Variants in OR4K1 observed in about 807,000 individuals in gnomAD.
The protein encoded by OR4K1 is olfactory receptor 4K1.
A neutral mutation model predicts 14.4 loss-of-function variants in OR4K1; 16 were observed. That is an observed-to-expected ratio of 1.11 (90% CI 0.75 to 1.68). The LOEUF (loss-of-function observed/expected upper bound fraction) is 1.68, where lower values mean the gene tolerates loss of function less well. Among genes scored for constraint, OR4K1 ranks in the 40% most tolerant of loss-of-function variants. The probability of loss-of-function intolerance (pLI) is 0.00; values close to 1 mark genes in which losing one functional copy is unlikely to be tolerated. For missense variants in OR4K1, 548 were observed against 376.9 expected, an observed-to-expected ratio of 1.45 and a Z score of -3.76; for synonymous variants, 181 against 133.1, an observed-to-expected ratio of 1.36 and a Z score of -2.48.
chr14:19,924,039 A>G, the OR4K1 span, among the ~76,000 whole-genome samples: 1 of 152,254 alleles, frequency 6.6e-6, no homozygotes, highest in Non-Finnish European at 1.5e-5. Context: ...AGTTGAATAA[A>G]AAAAAGTCAG....
At chr14:19,924,819 T>G in the OR4K1 span, among the ~76,000 whole-genome samples, 2 of 152,282 alleles carry the variant, frequency 1.3e-5, no homozygotes, top group Non-Finnish European at 2.9e-5. Context: ...GGGACATTCC[T>G]AATGCTAAGA....
At chr14:19,930,533 T>C (rs1882162611), upstream of OR4K1, among the ~76,000 whole-genome samples, 1 of 152,228 alleles carries the variant, frequency 6.6e-6, no homozygotes, top group Non-Finnish European at 1.5e-5. Context: ...GACTGAACTG[T>C]CTTATGAAGC....
chr14:19,935,789 C>T lies in OR4K1; in HGVS notation c.123C>T (p.Gly41=). 1.2e-6 allele frequency: 2 copies of T among 1,614,140 alleles called. No individual in the cohort carries two copies. The highest frequency in any genetic ancestry group is 8.5e-7 in the Non-Finnish European group (1 of 1,179,976). ...FSIVYVTSVL[G]NVLIIVIISF... is the part of the protein sequence containing the mutation. ...TAGTCTATGTGACATCAGTGCTAGGCAATGTCTTAATTATTGTCATTATTT... is the reference window on the plus strand; with the variant it reads ...TAGTCTATGTGACATCAGTGCTAGGTAATGTCTTAATTATTGTCATTATTT... Residue 41 remains glycine (G), a synonymous_variant, in exon 2 of 2, where the codon GGC becomes GGT. Coordinates refer to ENST00000641172, the MANE Select transcript of OR4K1 (RefSeq NM_001004063.3).
chr14:19,922,942 G>A, the OR4K1 span, among the ~76,000 whole-genome samples: 17 of 152,110 alleles, frequency 1.1e-4, no homozygotes, highest in African/African-American at 4.1e-4. Flanking sequence ...ATCATTTTTG[G>A]TATCTTTTTT....
intron 1 of OR4K1, 129 bp from the exon 2 acceptor site, chr14:19,935,519 C>A: frequency 1.4e-6 from 1 of 734,298 alleles, no homozygotes; most frequent in Non-Finnish European, 2.2e-6. Flanking sequence ...TATTTACATA[C>A]GTAAATATAT....
intron 1 of OR4K1, among the ~76,000 whole-genome samples, chr14:19,934,038 C>T (rs1252635299): frequency 6.6e-6 from 1 of 152,238 alleles, no homozygotes; most frequent in Non-Finnish European, 1.5e-5. Flanking sequence ...TTTACCATTA[C>T]CTATACAATT....
chr14:19,924,519 G>A, the OR4K1 span, among the ~76,000 whole-genome samples: 1 of 151,856 alleles, frequency 6.6e-6, no homozygotes, highest in African/African-American at 2.4e-5. Flanking sequence ...GTGTGAGATG[G>A]TATTTCATTG....
At chr14:19,934,838 T>A (rs59297893) in intron 1 of OR4K1, among the ~76,000 whole-genome samples, 1,272 of 151,914 alleles carry the variant, frequency 8.4e-3, no homozygotes, top group African/African-American at 0.027. Flanking sequence ...GCCCGGCTAA[T>A]TTTTTTGTAT....
chr14:19,934,033 C>A lies in OR4K1; in HGVS notation c.-19-1615C>A, dbSNP rs2792150. Among the ~76,000 whole-genome samples the A allele has an allele frequency of 1.2e-4, 18 of 152,232 alleles. No homozygotes were observed. The East Asian group carries it at 1.9e-3, about 16-fold the overall frequency. On this transcript the variant is annotated intron_variant, in intron 1 of 1. Transcript: ENST00000641172. ...TTAAACACTTTTTAATTTGGTTTAC[C>A]ATTACCTATACAATTTTAACTTTTA...
In OR4K1 at chr14:19,936,700, G is replaced by A. The variant is rs1476284833; in HGVS notation, c.*98G>A. The A allele has an allele frequency of 1.7e-6, 2 of 1,143,744 alleles. No individual in the cohort carries two copies. The highest frequency in any genetic ancestry group is 3.0e-5 in the Admixed American group (1 of 32,898). 70.8% of individuals were successfully genotyped at this position (1,143,744 alleles called of 1,614,324 possible). ...ATCTTTGCCAGACATATGGGTTATT[G>A]AGTTACAGAATTGGCTTTTTGTTTT... On this transcript the variant is annotated 3_prime_UTR_variant, in exon 2 of 2. Coordinates refer to ENST00000641172, the MANE Select transcript of OR4K1 (RefSeq NM_001004063.3).
the OR4K1 span, among the ~76,000 whole-genome samples, chr14:19,923,559 CAAAT>C: frequency 6.6e-6 from 1 of 151,800 alleles, no homozygotes; most frequent in Non-Finnish European, 1.5e-5. Flanking sequence ...ACATCTTTTA[CAAAT>C]AAATGTTGAA....
At chr14:19,920,795 G>T in the OR4K1 span, 2 of 1,614,094 alleles carry the variant, frequency 1.2e-6, no homozygotes, top group Non-Finnish European at 8.5e-7. Context: ...ACTTTCTCTT[G>T]GGAAACCTTT....
At chr14:19,922,437 C>A in the OR4K1 span, among the ~76,000 whole-genome samples, 1 of 152,230 alleles carries the variant, frequency 6.6e-6, no homozygotes. Flanking sequence ...CTTCTGTGGA[C>A]TAGATCTGGT....
intron 1 of OR4K1, among the ~76,000 whole-genome samples, chr14:19,931,660 A>G (rs1414970532): frequency 1.3e-5 from 2 of 152,264 alleles, no homozygotes; most frequent in Non-Finnish European, 2.9e-5. Flanking sequence ...CCATTGACAC[A>G]TTGTATAGTA....
At chr14:19,930,809 T>C (rs546548390), upstream of OR4K1, 10 of 152,382 alleles carry the variant, frequency 6.6e-5, no homozygotes, top group African/African-American at 1.9e-4. Context: ...ACCTCAGATC[T>C]CTAAAGGGTG....
chr14:19,923,849 G>T, the OR4K1 span, among the ~76,000 whole-genome samples: 1 of 152,170 alleles, frequency 6.6e-6, no homozygotes, highest in African/African-American at 2.4e-5. Flanking sequence ...TCTCCTTGTA[G>T]TAGCTAATTC....
chr14:19,934,324 C>G (rs928040424), intron 1 of OR4K1, among the ~76,000 whole-genome samples: 2 of 152,234 alleles, frequency 1.3e-5, no homozygotes, highest in African/African-American at 4.8e-5. Context: ...TACTAGTTAA[C>G]TTTTCTGAGA....
upstream of OR4K1, among the ~76,000 whole-genome samples, chr14:19,929,786 T>C (rs1350906520): frequency 1.3e-5 from 2 of 152,226 alleles, no homozygotes; most frequent in African/African-American, 4.8e-5. Flanking sequence ...TTGTTGACAC[T>C]GGGTCTTCCC....
chr14:19,932,829 G>C (rs545128133), intron 1 of OR4K1, among the ~76,000 whole-genome samples: 1 of 152,056 alleles, frequency 6.6e-6, no homozygotes, highest in Non-Finnish European at 1.5e-5. Flanking sequence ...CATATGCTTA[G>C]GGGACTGCTT....
Sources: gnomAD v4.1 joint callset for allele counts (sites outside exome capture counted in the v4.1 genomes callset) on GRCh38, gnomAD v4.1.1 for gene constraint, MANE v1.5 for transcripts, NCBI Gene and HGNC (gene_info 2026-07-23, HGNC 2026-07-21) for gene names.